Variants in UGGT2 observed in about 807,000 individuals in gnomAD.
The protein encoded by UGGT2 is UDP-glucose glycoprotein glucosyltransferase 2.
A neutral mutation model predicts 192.1 loss-of-function variants in UGGT2; 180 were observed. The ratio of observed to expected loss-of-function variants is 0.94; its 90% CI spans 0.83 to 1.06. UGGT2 has a LOEUF of 1.06. Among genes scored for constraint, UGGT2 ranks in the 50% least tolerant of loss-of-function variants. UGGT2 has a pLI of 0.00. For synonymous variants in UGGT2, 580 were observed against 591.0 expected, an observed-to-expected ratio of 0.98 and a Z score of 0.27; for missense variants, 1,849 against 1,795.7, an observed-to-expected ratio of 1.03 and a Z score of -0.54.
chr13:95,989,746 G>A, intron 8 of UGGT2: 1 of 334,476 alleles, frequency 3.0e-6, no homozygotes, highest in Non-Finnish European at 5.5e-6. Flanking sequence ...AAATAACATT[G>A]AATAACCTCA....
At chr13:95,891,054 G>C in intron 24 of UGGT2, 90 bp from the exon 25 acceptor site, 1 of 929,110 alleles carries the variant, frequency 1.1e-6, no homozygotes, top group Non-Finnish European at 1.6e-6. Context: ...CTTATAAATT[G>C]TTTTCTTTCT....
chr13:95,853,612 T>G lies in UGGT2; in HGVS notation c.4215A>C (p.Ala1405=). ...VDLKKFRRIG[A]GDRLRSQYQA... ...GATACTGGCTCCTGAGCCTGTCACC[T>G]GCTCCAATTCTCCTGAACTTCTTGA... The change falls in exon 36 of 39, where the codon GCA becomes GCC. Residue 1405 remains alanine, a synonymous_variant. Coordinates refer to ENST00000376747, the MANE Select transcript of UGGT2 (RefSeq NM_020121.4). 6.3e-7 allele frequency: 1 copy of G among 1,596,724 alleles called. No homozygotes were observed. The highest frequency in any genetic ancestry group is 8.5e-7 in the Non-Finnish European group (1 of 1,175,116).
intron 29 of UGGT2, among the ~76,000 whole-genome samples, chr13:95,874,569 G>A (rs1441472218): frequency 6.6e-6 from 1 of 152,138 alleles, no homozygotes; most frequent in Non-Finnish European, 1.5e-5. Flanking sequence ...TGTAGGATTT[G>A]TTTATTTCTG....
intron 22 of UGGT2, among the ~76,000 whole-genome samples, chr13:95,897,265 G>T (rs1216194132): frequency 1.3e-5 from 2 of 151,798 alleles, no homozygotes; most frequent in African/African-American, 4.8e-5. Context: ...TGTAATTAAT[G>T]GTGCAACTGG....
At chr13:96,006,341 C>T (rs2051972908) in intron 5 of UGGT2, among the ~76,000 whole-genome samples, 1 of 152,072 alleles carries the variant, frequency 6.6e-6, no homozygotes, top group Non-Finnish European at 1.5e-5. Flanking sequence ...AAAGAACTGG[C>T]TGGCTGGGTG....
At chr13:95,984,650 A>C (rs1265632614) in intron 9 of UGGT2, among the ~76,000 whole-genome samples, 3 of 152,202 alleles carry the variant, frequency 2.0e-5, no homozygotes, top group Non-Finnish European at 4.4e-5. Context: ...TGAAGAGTTT[A>C]TAATTCACTT....
At chr13:96,050,424 G>C (rs1473836395) in intron 1 of UGGT2, among the ~76,000 whole-genome samples, 1 of 152,280 alleles carries the variant, frequency 6.6e-6, no homozygotes. Context: ...GCATGGGCAA[G>C]GACTTCATGT....
chr13:96,030,901 G>A (rs1439624913), intron 2 of UGGT2, among the ~76,000 whole-genome samples: 1 of 152,158 alleles, frequency 6.6e-6, no homozygotes, highest in East Asian at 1.9e-4. Flanking sequence ...TTAGTTACCT[G>A]ACTTTTTGAG....
chr13:96,049,757 G>A (rs1206840419), intron 1 of UGGT2, among the ~76,000 whole-genome samples: 3 of 152,088 alleles, frequency 2.0e-5, no homozygotes, highest in Non-Finnish European at 4.4e-5. Context: ...AAATACCTAG[G>A]AATCCAACTT....
chr13:95,963,493 A>T (rs982128128), intron 12 of UGGT2, among the ~76,000 whole-genome samples: 12 of 152,208 alleles, frequency 7.9e-5, no homozygotes, highest in Non-Finnish European at 1.0e-4. Context: ...CAAGACAAGG[A>T]TGCCCACTTT....
intron 20 of UGGT2, among the ~76,000 whole-genome samples, chr13:95,923,368 C>CTTTTTTTTTTTTTTTTTTTTTTTTT (rs67003679): frequency 8.4e-6 from 1 of 119,662 alleles, no homozygotes; most frequent in Non-Finnish European, 1.7e-5. Flanking sequence ...TCAGCATATT[C>CTTTTTTTTTTTTTTTTTTTTTTTTT]TTTTTTTTTT....
At chr13:95,981,809 A>C (rs1465018576) in intron 10 of UGGT2, among the ~76,000 whole-genome samples, 1 of 152,152 alleles carries the variant, frequency 6.6e-6, no homozygotes, top group Non-Finnish European at 1.5e-5. Context: ...TTCTCATCAC[A>C]ACCACCCTCT....
At chr13:95,989,892 A>T in intron 8 of UGGT2, 81 bp downstream of exon 8, 6 of 858,034 alleles carry the variant, frequency 7.0e-6, no homozygotes, top group Non-Finnish European at 1.1e-5. Flanking sequence ...AATAATCTAT[A>T]TCATGTGATA....
intron 12 of UGGT2, among the ~76,000 whole-genome samples, chr13:95,951,603 C>T (rs1267671636): frequency 6.6e-6 from 1 of 152,210 alleles, no homozygotes; most frequent in East Asian, 1.9e-4. Flanking sequence ...AAATGAGACT[C>T]TCAACTACAG....
At chr13:95,904,508 A>C (rs2048216998) in intron 20 of UGGT2, among the ~76,000 whole-genome samples, 1 of 133,318 alleles carries the variant, frequency 7.5e-6, no homozygotes, top group Non-Finnish European at 1.5e-5. Context: ...ATGTGATCTC[A>C]TTGTTCAATT....
chr13:95,864,890 A>G (rs909084217), intron 30 of UGGT2, among the ~76,000 whole-genome samples: 1 of 152,194 alleles, frequency 6.6e-6, no homozygotes, highest in Non-Finnish European at 1.5e-5. Flanking sequence ...AAATCTTCAC[A>G]CTTCAGAAAC....
At chr13:95,911,863 C>A (rs998071301) in intron 20 of UGGT2, among the ~76,000 whole-genome samples, 5 of 152,142 alleles carry the variant, frequency 3.3e-5, no homozygotes, top group African/African-American at 4.8e-5. Flanking sequence ...CCAAATCCAG[C>A]AGCACATCAA....
chr13:95,985,572 C>T (rs967381038), intron 9 of UGGT2, among the ~76,000 whole-genome samples: 5 of 152,106 alleles, frequency 3.3e-5, no homozygotes, highest in African/African-American at 1.2e-4. Flanking sequence ...TCTCCAATTC[C>T]TCTCAGTAAA....
rs904145165 is a variant in UGGT2 at position 95,907,561 on chromosome 13, C to G, written c.2296-4501G>C. ...TGGGACAAAGAGAAGGATCAGGCAG[C>G]AATATTTGCTGTTCTGCAGCCTCCG... On this transcript the variant is annotated intron_variant, in intron 20 of 38. Coordinates refer to ENST00000376747, the MANE Select transcript of UGGT2 (RefSeq NM_020121.4). Among the ~76,000 whole-genome samples the G allele has an allele frequency of 8.5e-5, 13 of 152,166 alleles. No homozygotes were observed. The South Asian group carries it at 1.2e-3, about 15-fold the overall frequency.
Sources: gnomAD v4.1 joint callset for allele counts (sites outside exome capture counted in the v4.1 genomes callset) on GRCh38, gnomAD v4.1.1 for gene constraint, MANE v1.5 for transcripts, NCBI Gene and HGNC (gene_info 2026-07-23, HGNC 2026-07-21) for gene names.